The following TACC2 variants were observed in gnomAD, a reference collection of about 807,000 sequenced individuals.
TACC2 encodes the protein transforming acidic coiled-coil-containing protein 2.
In TACC2, 137 loss-of-function variants were observed where a neutral mutation model predicts 227.3. The observed-to-expected ratio is 0.60, with a 90% CI of 0.52 to 0.69. The LOEUF is 0.69. Ranked by LOEUF, TACC2 falls within the 30% of genes least tolerant of loss-of-function variation. TACC2 has a pLI of 0.00. For missense variants in TACC2, 3,470 were observed against 3,694.4 expected (o/e 0.94, Z 1.57); for synonymous variants, 1,523 against 1,487.5 (o/e 1.02, Z -0.55).
intron 5 of TACC2, among the ~76,000 whole-genome samples, chr10:122,101,723 C>CTTT (rs1179126977): frequency 0.05 from 2,787 of 55,674 alleles, 278 homozygotes; most frequent in East Asian, 0.11. Context: ...CCATGCCCAG[C>CTTT]TTTTTTTTTT....
chr10:122,196,991 T>C (rs1306292936), intron 8 of TACC2, among the ~76,000 whole-genome samples: 6 of 148,160 alleles, frequency 4.0e-5, no homozygotes, highest in Non-Finnish European at 7.4e-5. Context: ...CCGGGCATGG[T>C]GGCTCACGCC....
At chr10:122,149,801 G>A (rs934110568) in intron 7 of TACC2, among the ~76,000 whole-genome samples, 2 of 152,224 alleles carry the variant, frequency 1.3e-5, no homozygotes, top group Admixed American at 1.3e-4. Context: ...TAGACTCTGC[G>A]CTGACCAAAC....
chr10:122,057,846 C>T (rs946247432), intron 3 of TACC2, among the ~76,000 whole-genome samples: 3 of 152,012 alleles, frequency 2.0e-5, no homozygotes, highest in Non-Finnish European at 2.9e-5. Flanking sequence ...AAAACAAAAA[C>T]TGAGTTTGGA....
In TACC2 at chr10:122,141,612, A is replaced by G. The variant is rs955044740; in HGVS notation, c.5700-1960A>G. 1.3e-5 allele frequency among the ~76,000 whole-genome samples: 2 copies of G among 152,086 alleles called. No individual in the cohort carries two copies. The highest frequency in any genetic ancestry group is 4.8e-5 in the African/African-American group (2 of 41,390). On this transcript the variant is annotated intron_variant, in intron 6 of 22. Transcript: ENST00000369005. The surrounding 1 kb of genome is among the most constrained non-coding windows in gnomAD (Gnocchi z 4.3). Reference sequence around the variant, plus strand: ...GCCTTGGGCATCTGCATCAGATCCCAGGGCTGTCAGCTGTCACAGAGCTGG... The same window carrying G: ...GCCTTGGGCATCTGCATCAGATCCCGGGGCTGTCAGCTGTCACAGAGCTGG...
At chr10:122,176,112 TC>T (rs2093698007) in intron 7 of TACC2, among the ~76,000 whole-genome samples, 2 of 60,260 alleles carry the variant, frequency 3.3e-5, no homozygotes, top group Admixed American at 3.0e-4. Context: ...TCTCTCTCTC[TC>T]TCTCTATATA....
intron 5 of TACC2, among the ~76,000 whole-genome samples, chr10:122,113,586 C>T (rs1038642442): frequency 9.2e-5 from 14 of 152,308 alleles, no homozygotes; most frequent in African/African-American, 3.1e-4. Context: ...ACCAGGCTCC[C>T]TGCCAGGGTT....
At chr10:122,157,886 T>A (rs1481520484) in intron 7 of TACC2, among the ~76,000 whole-genome samples, 1 of 152,138 alleles carries the variant, frequency 6.6e-6, no homozygotes, top group East Asian at 1.9e-4. Context: ...AAGAAAGATT[T>A]TGAGGATCAT....
chr10:122,062,200 T>C (rs1290372546), intron 3 of TACC2, among the ~76,000 whole-genome samples: 1 of 151,920 alleles, frequency 6.6e-6, no homozygotes, highest in Non-Finnish European at 1.5e-5. Flanking sequence ...GCCTGGCTAA[T>C]TTTTTGTATT....
chr10:122,193,250 G>A (rs79992692), intron 7 of TACC2, among the ~76,000 whole-genome samples: 1 of 152,174 alleles, frequency 6.6e-6, no homozygotes, highest in Non-Finnish European at 1.5e-5. Context: ...AGGTCCTTGG[G>A]GGGTGGAGGG....
intron 7 of TACC2, among the ~76,000 whole-genome samples, chr10:122,177,633 C>A (rs2093782637): frequency 6.6e-6 from 1 of 152,106 alleles, no homozygotes; most frequent in African/African-American, 2.4e-5. Context: ...GAAAGGTTTT[C>A]TGAGCAGCAG....
chr10:122,248,437 C>T (rs781107023), intron 19 of TACC2: 184 of 606,878 alleles, frequency 3.0e-4, no homozygotes, highest in Middle Eastern at 9.0e-4. Flanking sequence ...TGCACAGGCC[C>T]GGGTCTGGGA....
chr10:122,112,284 G>A (rs4751872), intron 5 of TACC2, among the ~76,000 whole-genome samples: 126,697 of 152,154 alleles, frequency 0.83, 53,815 homozygotes, highest in East Asian at 0.98. Context: ...CCACTTCTGG[G>A]TGTGAGGTCC....
chr10:122,107,876 A>AT (rs1464725854), intron 5 of TACC2, among the ~76,000 whole-genome samples: 3,656 of 85,400 alleles, frequency 0.043, 175 homozygotes, highest in East Asian at 0.19. Context: ...ATATATATAT[A>AT]TATATTTTTT....
intron 5 of TACC2, among the ~76,000 whole-genome samples, chr10:122,132,022 AAAAG>A (rs2088235766): frequency 8.5e-6 from 1 of 117,478 alleles, no homozygotes; most frequent in Non-Finnish European, 1.7e-5. Context: ...ACAGTCTCAA[AAAAG>A]AAAGAAAAAG....
intron 2 of TACC2, among the ~76,000 whole-genome samples, chr10:122,045,232 G>T (rs1245222610): frequency 1.3e-5 from 2 of 152,160 alleles, no homozygotes; most frequent in Admixed American, 6.5e-5. Flanking sequence ...TCAAATCTAG[G>T]CTCCTATACC....
chr10:122,179,005 A>C (rs2093860078), intron 7 of TACC2, among the ~76,000 whole-genome samples: 1 of 152,252 alleles, frequency 6.6e-6, no homozygotes. Context: ...GGAGCCTTTG[A>C]GAAAACAAAG....
At position 122,084,245 on chromosome 10, in the gene TACC2, C is replaced by T. The variant is rs761911531; in HGVS notation, c.1745C>T (p.Ala582Val). Residue 582 changes from alanine to valine, a missense_variant, in exon 4 of 23, where the codon GCC (alanine) becomes GTC (valine). This residue lies in a region of TACC2 where 1,924 missense variants were observed against 1,978.3 expected (regional missense o/e 0.97). Transcript: ENST00000369005. Reference sequence around the variant, plus strand: ...GACAGCCCTGGAGGAAAGGAGGAAGCCCCAGAGCCACCTGATGGTGGAGAC... The same window carrying T: ...GACAGCCCTGGAGGAAAGGAGGAAGTCCCAGAGCCACCTGATGGTGGAGAC... ...PGDSPGGKEE[A>V]PEPPDGGDPG... 6.2e-7 allele frequency: 1 copy of T among 1,614,042 alleles called. No homozygotes were observed. Among genetic ancestry groups the T allele is most frequent in the Non-Finnish European group, 8.5e-7 (1 of 1,180,034 alleles).
In TACC2 at chr10:122,180,354, T is replaced by C. The variant is rs200951488; in HGVS notation, c.5835-14686T>C. ...CCCCCCAGTTCTTTTTTTTTTTTTT[T>C]GGGTTAATAGTCTGGCTTTGTCGCC... is the stretch of plus-strand genomic sequence containing the variant. On this transcript the variant is annotated intron_variant, in intron 7 of 22. Transcript: ENST00000369005. The surrounding 1 kb of genome is among the most constrained non-coding windows in gnomAD (Gnocchi z 4.5). Among the ~76,000 whole-genome samples the C allele has an allele frequency of 6.6e-6, 1 of 150,864 alleles. No individual in the cohort carries two copies. The highest frequency in any genetic ancestry group is 2.4e-5 in the African/African-American group (1 of 41,242).
At chr10:122,038,043 G>GTTTGAGA in intron 2 of TACC2, among the ~76,000 whole-genome samples, 1 of 152,288 alleles carries the variant, frequency 6.6e-6, no homozygotes, top group South Asian at 2.1e-4. Context: ...ATTAACAAGA[G>GTTTGAGA]CTACAGGAGT....
Sources: allele counts gnomAD v4.1 joint callset (sites outside exome capture counted in the v4.1 genomes callset), GRCh38; gene constraint gnomAD v4.1.1; regional missense constraint gnomAD v4.1.1; non-coding constraint Gnocchi (gnomAD v3.1); transcripts MANE v1.5; gene names NCBI Gene and HGNC (gene_info 2026-07-23, HGNC 2026-07-21).